YPEL2: variants seen among roughly 807,000 people sequenced by gnomAD.
YPEL2 encodes the protein yippee like 2.
Under a neutral mutation model 19.1 loss-of-function variants are expected in YPEL2, and 2 were observed. That is an observed-to-expected ratio of 0.10 (90% CI 0.04 to 0.33). The LOEUF (loss-of-function observed/expected upper bound fraction) is 0.33. Ranked by LOEUF, YPEL2 falls within the 10% of genes least tolerant of loss-of-function variation. The pLI is 1.00. For missense variants in YPEL2, 66 were observed against 140.7 expected (o/e 0.47, Z 2.68); for synonymous variants, 52 against 50.0 (o/e 1.04, Z -0.17).
chr17:59,347,633 CACCTCTTAGAAGG>C (rs1289265124), intron 1 of YPEL2, among the ~76,000 whole-genome samples: 1 of 152,238 alleles, frequency 6.6e-6, no homozygotes, highest in African/African-American at 2.4e-5. Flanking sequence ...ACTGAGGAAG[CACCTCTTAGAAGG>C]ACCTCAATAC....
chr17:59,343,779 G>A (rs865903379), intron 1 of YPEL2, among the ~76,000 whole-genome samples: 1 of 152,150 alleles, frequency 6.6e-6, no homozygotes, highest in African/African-American at 2.4e-5. Context: ...GAAACCACTG[G>A]AGGTTTTGAA....
intron 4 of YPEL2, among the ~76,000 whole-genome samples, chr17:59,390,504 C>T (rs1382600911): frequency 6.6e-6 from 1 of 152,214 alleles, no homozygotes; most frequent in African/African-American, 2.4e-5. Flanking sequence ...CCTAAAACAC[C>T]TAGGTCCCAG....
intron 1 of YPEL2, among the ~76,000 whole-genome samples, chr17:59,338,306 A>G (rs929649540): frequency 3.3e-5 from 5 of 152,200 alleles, no homozygotes; most frequent in Non-Finnish European, 7.3e-5. Context: ...CTGGGTGTGA[A>G]TGGTGACCAA....
At chr17:59,343,359 G>A (rs1472933331) in intron 1 of YPEL2, among the ~76,000 whole-genome samples, 1 of 152,152 alleles carries the variant, frequency 6.6e-6, no homozygotes, top group African/African-American at 2.4e-5. Context: ...AGACACTACT[G>A]GGGGTGGGGT....
chr17:59,358,013 A>G (rs902634741), intron 2 of YPEL2, among the ~76,000 whole-genome samples: 1 of 152,174 alleles, frequency 6.6e-6, no homozygotes, highest in Non-Finnish European at 1.5e-5. Context: ...AGGTCAGATT[A>G]TCTTCTGGTG....
At chr17:59,377,656 G>A (rs2047929027) in intron 2 of YPEL2, among the ~76,000 whole-genome samples, 2 of 152,218 alleles carry the variant, frequency 1.3e-5, no homozygotes, top group South Asian at 4.1e-4. Context: ...CCATGCCACA[G>A]ACTGGAGAGG....
chr17:59,386,794 C>G (rs1055891754), intron 2 of YPEL2, among the ~76,000 whole-genome samples: 4 of 152,256 alleles, frequency 2.6e-5, no homozygotes, highest in Admixed American at 1.3e-4. Flanking sequence ...GCTATATTCC[C>G]CAGGGATGTT....
chr17:59,394,479 A>G (rs1324400673), intron 4 of YPEL2, among the ~76,000 whole-genome samples: 5 of 146,908 alleles, frequency 3.4e-5, no homozygotes, highest in Non-Finnish European at 7.5e-5. Flanking sequence ...GGCACTCCTC[A>G]CTTTCCAGAC....
rs181752134 is a variant in YPEL2 at position 59,333,537 on chromosome 17, C to T, written c.-196+1713C>T. 1.3e-3 allele frequency among the ~76,000 whole-genome samples: 191 copies of T among 152,300 alleles called. 3 individuals are homozygous for T. The South Asian group carries it at 0.016, about 13-fold the overall frequency. On this transcript the variant is annotated intron_variant, in intron 1 of 4. Transcript: ENST00000312655. ...CTTTGAGTGGGACCTGCACTGCATACAGGTCTGTAACTGAAATAAGTTTCA... is the reference window on the plus strand; with the variant it reads ...CTTTGAGTGGGACCTGCACTGCATATAGGTCTGTAACTGAAATAAGTTTCA...
rs2048059077 is a variant in YPEL2, at chr17:59,399,517, C to T, written c.*2327C>T. The stretch of plus-strand genomic sequence containing the variant: ...GGATCAGAGCAGGCTCCAGTCAGAC[C>T]CTGGTTCTGAATGTTTTTTTTTTCG... On this transcript the variant is annotated 3_prime_UTR_variant, in exon 5 of 5. Coordinates refer to ENST00000312655, the MANE Select transcript of YPEL2 (RefSeq NM_001005404.4). The T allele has an allele frequency of 6.6e-6, 1 of 152,076 alleles. No individual in the cohort carries two copies. Among genetic ancestry groups the T allele is most frequent in the South Asian group, 2.1e-4 (1 of 4,810 alleles). 9.4% of individuals were successfully genotyped at this position (152,076 alleles called of 1,614,324 possible). A position where few individuals can be genotyped will look rare whatever the true frequency, so the allele number is the denominator to read the frequency against.
intron 3 of YPEL2, among the ~76,000 whole-genome samples, chr17:59,388,679 T>G (rs559352667): frequency 4.7e-4 from 72 of 152,224 alleles, no homozygotes; most frequent in Admixed American, 2.5e-3. Flanking sequence ...GATCTGAGAT[T>G]TGTCACTGGG....
chr17:59,387,926 A>G (rs1273159949), intron 2 of YPEL2, among the ~76,000 whole-genome samples: 1 of 152,234 alleles, frequency 6.6e-6, no homozygotes, highest in African/African-American at 2.4e-5. Flanking sequence ...GGTGGTTTCC[A>G]TGCCTGGGCC....
At chr17:59,340,199 C>G (rs755188058) in intron 1 of YPEL2, among the ~76,000 whole-genome samples, 71 of 152,078 alleles carry the variant, frequency 4.7e-4, no homozygotes, top group South Asian at 2.1e-3. Flanking sequence ...TCTCCACCCC[C>G]CCAGGTTCAA....
At chr17:59,348,582 A>G (rs957646485) in intron 1 of YPEL2, among the ~76,000 whole-genome samples, 7 of 152,206 alleles carry the variant, frequency 4.6e-5, no homozygotes, top group African/African-American at 1.7e-4. Context: ...TAATCATAAT[A>G]TCTCACATAT....
intron 2 of YPEL2, among the ~76,000 whole-genome samples, chr17:59,385,546 C>T (rs907840284): frequency 6.6e-6 from 1 of 152,126 alleles, no homozygotes; most frequent in South Asian, 2.1e-4. Flanking sequence ...CCTTTACACT[C>T]CAGCCTGGGT....
At position 59,333,011 on chromosome 17, in the gene YPEL2, G is replaced by A. The variant is rs1451505; in HGVS notation, c.-196+1187G>A. 6.6e-3 allele frequency among the ~76,000 whole-genome samples: 1,008 copies of A among 152,322 alleles called. 41 individuals are homozygous for A. Among genetic ancestry groups the A allele is most frequent in the Admixed American group, 0.061 (935 of 15,296 alleles). ...GAAGGGTAGCGGTCAGCTTCCCTGT[G>A]CCTCACAGAGCATTAAAGATGCAAG... On this transcript the variant is annotated intron_variant, in intron 1 of 4. Transcript: ENST00000312655.
chr17:59,334,236 C>T (rs1489317031), intron 1 of YPEL2, among the ~76,000 whole-genome samples: 1 of 152,050 alleles, frequency 6.6e-6, no homozygotes, highest in Admixed American at 6.6e-5. Context: ...TCTTCATTGT[C>T]GTAATGATTT....
chr17:59,356,108 T>G (rs1455657071), intron 2 of YPEL2: 1 of 152,170 alleles, frequency 6.6e-6, no homozygotes, highest in Non-Finnish European at 1.5e-5. Flanking sequence ...CCCTCTTCCA[T>G]TTAAGAAAGT....
chr17:59,348,556 C>T (rs561610429), intron 1 of YPEL2, among the ~76,000 whole-genome samples: 61 of 152,168 alleles, frequency 4.0e-4, no homozygotes, highest in Non-Finnish European at 1.6e-4. Context: ...GGTGGTGTAT[C>T]GAAGATCTTT....
Sources: allele counts gnomAD v4.1 joint callset (sites outside exome capture counted in the v4.1 genomes callset), GRCh38; gene constraint gnomAD v4.1.1; transcripts MANE v1.5; gene names NCBI Gene and HGNC (gene_info 2026-07-23, HGNC 2026-07-21).